Variants in GPBP1 observed in about 807,000 individuals in gnomAD.
GPBP1 encodes vasculin.
In GPBP1, 13 loss-of-function variants were observed where a neutral mutation model predicts 56.5. That is an observed-to-expected ratio of 0.23 (90% CI 0.15 to 0.37). GPBP1 has a LOEUF of 0.37. Ranked by LOEUF, GPBP1 falls within the 10% of genes least tolerant of loss-of-function variation. The pLI, the probability that GPBP1 is intolerant of heterozygous loss-of-function variation, is 1.00. For synonymous variants in GPBP1, 204 were observed against 188.9 expected (o/e 1.08, Z -0.66); for missense variants, 477 against 572.3 (o/e 0.83, Z 1.70).
chr5:57,174,913 G>C (rs1753730666), intron 1 of GPBP1, among the ~76,000 whole-genome samples: 2 of 152,158 alleles, frequency 1.3e-5, no homozygotes, highest in South Asian at 4.1e-4. Flanking sequence ...TTAAGAAGCG[G>C]GTTTGCCCTA....
chr5:57,181,830 T>C (rs1455404693), intron 2 of GPBP1, among the ~76,000 whole-genome samples: 1 of 152,224 alleles, frequency 6.6e-6, no homozygotes, highest in Admixed American at 6.5e-5. Flanking sequence ...AAAAACAAAA[T>C]GTTAGTGGTT....
At chr5:57,189,111 C>T (rs1278245419) in intron 2 of GPBP1, among the ~76,000 whole-genome samples, 1 of 152,040 alleles carries the variant, frequency 6.6e-6, no homozygotes, top group Non-Finnish European at 1.5e-5. Context: ...CAGGCATGCA[C>T]CACCATACCC....
intron 2 of GPBP1, among the ~76,000 whole-genome samples, chr5:57,198,060 T>C (rs1347269657): frequency 1.3e-5 from 2 of 152,194 alleles, no homozygotes; most frequent in Non-Finnish European, 2.9e-5. Flanking sequence ...GTCGTTGTTA[T>C]GTTTATGTGT....
intron 8 of GPBP1, 152 bp downstream of exon 8, chr5:57,247,367 T>A: frequency 3.0e-6 from 2 of 670,634 alleles, no homozygotes; most frequent in Non-Finnish European, 4.7e-6. Context: ...TGTTAACCAA[T>A]TTTGCACTTT....
intron 2 of GPBP1, among the ~76,000 whole-genome samples, chr5:57,194,248 A>C (rs1446531258): frequency 6.6e-6 from 1 of 152,204 alleles, no homozygotes; most frequent in Non-Finnish European, 1.5e-5. Flanking sequence ...AATATAAGGC[A>C]AATTCCTGTA....
chr5:57,229,978 A>G lies in GPBP1; in HGVS notation c.64-868A>G, dbSNP rs545407944. 2.9e-3 allele frequency among the ~76,000 whole-genome samples: 254 copies of G among 86,290 alleles called. 3 individuals are homozygous for G. Among genetic ancestry groups the G allele is most frequent in the Admixed American group, 0.026 (201 of 7,646 alleles). The allele number at this position is 86,290 out of a possible 152,430, so 56.6% of individuals were successfully genotyped here. A position where few individuals can be genotyped will look rare whatever the true frequency, so the allele number is the denominator to read the frequency against. On this transcript the variant is annotated intron_variant, in intron 3 of 11. Coordinates refer to ENST00000506184, the MANE Select transcript of GPBP1 (RefSeq NM_022913.4). Reference sequence around the variant, plus strand: ...GTCCCGTCCCGTCCCGTCCCTTCTCACATGCAATGGCGTGATCTCGGTTCA... The same window carrying G: ...GTCCCGTCCCGTCCCGTCCCTTCTCGCATGCAATGGCGTGATCTCGGTTCA...
At chr5:57,224,843 T>G (rs1458343360) in intron 3 of GPBP1, among the ~76,000 whole-genome samples, 1 of 151,792 alleles carries the variant, frequency 6.6e-6, no homozygotes, top group African/African-American at 2.4e-5. Flanking sequence ...TAAATAATTC[T>G]AACTTATTAG....
intron 10 of GPBP1, among the ~76,000 whole-genome samples, chr5:57,254,639 G>A: frequency 6.6e-6 from 1 of 150,836 alleles, no homozygotes; most frequent in East Asian, 1.9e-4. Context: ...AGGTTGCAGT[G>A]AGCCGAGATC....
chr5:57,251,092 A>G lies in GPBP1; in HGVS notation c.1111A>G (p.Thr371Ala), dbSNP rs139106124. 8.8e-5 allele frequency: 142 copies of G among 1,612,612 alleles called. No individual in the cohort carries two copies. The highest frequency in any genetic ancestry group is 2.7e-4 in the African/African-American group (20 of 74,972). The change falls in exon 10 of 12, where the codon ACC becomes GCC. Residue 371 changes from threonine (T) to alanine (A), a missense_variant. Physicochemically the swap from Thr to Ala is moderately conservative, Grantham distance 58. This residue lies in a region of GPBP1 where 414 missense variants were observed against 458.2 expected (regional missense o/e 0.90). Coordinates refer to ENST00000506184, the MANE Select transcript of GPBP1 (RefSeq NM_022913.4). ...VISQQIIRSS[T>A]FPQTDVLSSS... is the part of the protein sequence containing the mutation. ...TTCCCAGCAGATCATTCGGTCTTCA[A>G]CCTTCCCACAAACTGATGTTCTTTC...
chr5:57,261,172 C>G lies in GPBP1; in HGVS notation c.1161-8C>G. On this transcript the variant is annotated splice_polypyrimidine_tract_variant and splice_region_variant and intron_variant, in intron 10 of 11. Transcript: ENST00000506184. ...TTTACATTAAACTTAATTTCCTCTC[C>G]TTTTCAGATTGTTAAAGGAAATGGG... 2.5e-6 allele frequency: 4 copies of G among 1,579,520 alleles called. No individual in the cohort carries two copies. In the Middle Eastern group the frequency reaches 5.0e-4, roughly 198 times the overall value.
At chr5:57,231,927 G>T (rs1490927687) in intron 5 of GPBP1, among the ~76,000 whole-genome samples, 1 of 151,848 alleles carries the variant, frequency 6.6e-6, no homozygotes, top group Non-Finnish European at 1.5e-5. Flanking sequence ...GCGAGCTTTT[G>T]TTAAGACTGA....
At chr5:57,226,562 T>TC (rs1481707929) in intron 3 of GPBP1, among the ~76,000 whole-genome samples, 1 of 133,542 alleles carries the variant, frequency 7.5e-6, no homozygotes, top group East Asian at 2.1e-4. Context: ...GCTTTTTTTT[T>TC]TTTTTTTTTT....
rs191838838 is a variant in GPBP1, at chr5:57,183,808, A to G, written c.-58+7408A>G. Among the ~76,000 whole-genome samples, 400 of 124,934 alleles carry G rather than the reference A, an allele frequency of 3.2e-3. 6 individuals carry two copies. Among genetic ancestry groups the G allele is most frequent in the Non-Finnish European group, 2.8e-3 (176 of 62,458 alleles). The allele number at this position is 124,934 out of a possible 152,430, so 82.0% of individuals were successfully genotyped here. Reference sequence around the variant, plus strand: ...TGTTTTGGAGACAGGGTCTCACTCTATCACCCAGGCTGGAGGGCAGTGGTG... The same window carrying G: ...TGTTTTGGAGACAGGGTCTCACTCTGTCACCCAGGCTGGAGGGCAGTGGTG... On this transcript the variant is annotated intron_variant, in intron 2 of 11. Transcript: ENST00000506184.
At chr5:57,186,823 G>A (rs79979013) in intron 2 of GPBP1, among the ~76,000 whole-genome samples, 1,974 of 152,020 alleles carry the variant, frequency 0.013, 42 homozygotes, top group African/African-American at 0.044. Context: ...CTCCTGCGTT[G>A]GCCTCCCAAA....
chr5:57,219,419 CAAA>C (rs5868039), intron 3 of GPBP1, among the ~76,000 whole-genome samples: 5 of 68,054 alleles, frequency 7.3e-5, no homozygotes, highest in Middle Eastern at 0.018. Context: ...AACAAACAAA[CAAA>C]AAAAAAAACA....
intron 1 of GPBP1, among the ~76,000 whole-genome samples, chr5:57,174,510 C>G (rs969932502): frequency 6.6e-6 from 1 of 152,118 alleles, no homozygotes; most frequent in Non-Finnish European, 1.5e-5. Context: ...GGAGCGAGTC[C>G]GACGCTCTCA....
At chr5:57,176,466 C>G (rs760373244) in intron 2 of GPBP1, 66 bp downstream of exon 2, 1 of 153,550 alleles carries the variant, frequency 6.5e-6, no homozygotes, top group Non-Finnish European at 1.4e-5. Flanking sequence ...TTGAGTTTAT[C>G]CTATGTTATT....
Position 57,258,414 on chromosome 5 carries a change from C to G in GPBP1, c.1161-2766C>G, listed in dbSNP as rs538493369. On this transcript the variant is annotated intron_variant, in intron 10 of 11. Transcript: ENST00000506184. The stretch of plus-strand genomic sequence containing the variant: ...AGACTGTTATTTCTAGGCTACAAAC[C>G]TGTATAGCATGTTACTGTACTGAAT... Among the ~76,000 whole-genome samples the G allele has an allele frequency of 1.4e-4, 22 of 152,172 alleles. No homozygotes were observed. In the South Asian group the frequency reaches 4.6e-3, roughly 32 times the overall value.
chr5:57,220,719 C>A (rs1355806148), intron 3 of GPBP1, among the ~76,000 whole-genome samples: 1 of 152,132 alleles, frequency 6.6e-6, no homozygotes, highest in Non-Finnish European at 1.5e-5. Flanking sequence ...CTCGGCCTCT[C>A]ATAGTGCTAG....
Sources: allele counts gnomAD v4.1 joint callset (sites outside exome capture counted in the v4.1 genomes callset), GRCh38; gene constraint gnomAD v4.1.1; regional missense constraint gnomAD v4.1.1; transcripts MANE v1.5; gene names NCBI Gene and HGNC (gene_info 2026-07-23, HGNC 2026-07-21).